The following GPC5 variants were observed in gnomAD, a reference collection of about 807,000 sequenced individuals.
GPC5 encodes glypican-5.
In GPC5, 47 loss-of-function variants were observed where a neutral mutation model predicts 53.9. That is an observed-to-expected ratio of 0.87 (90% CI 0.69 to 1.11). The LOEUF (loss-of-function observed/expected upper bound fraction) is 1.11, where lower values mean the gene tolerates loss of function less well. Among genes scored for constraint, GPC5 ranks in the 50% most tolerant of loss-of-function variants. GPC5 has a pLI of 0.00. For synonymous variants in GPC5, 286 were observed against 263.3 expected (o/e 1.09, Z -0.84); for missense variants, 748 against 713.1 (o/e 1.05, Z -0.56).
chr13:91,425,424 T>C (rs902673743), intron 1 of GPC5, among the ~76,000 whole-genome samples: 8 of 152,096 alleles, frequency 5.3e-5, no homozygotes, highest in Non-Finnish European at 1.0e-4. Context: ...TGGTGGGAAG[T>C]GATTGGATCA....
intron 7 of GPC5, among the ~76,000 whole-genome samples, chr13:92,284,794 G>C (rs545949124): frequency 1.8e-4 from 28 of 152,256 alleles, no homozygotes; most frequent in African/African-American, 6.7e-4. Context: ...CATACTGAAT[G>C]GGCAAAAACT....
intron 7 of GPC5, among the ~76,000 whole-genome samples, chr13:92,362,866 T>C (rs1422951755): frequency 4.6e-5 from 7 of 151,824 alleles, no homozygotes; most frequent in Non-Finnish European, 7.3e-5. Flanking sequence ...TTATTTAACA[T>C]ATGGCTTGTG....
chr13:92,067,404 T>A (rs2041176083), intron 6 of GPC5, among the ~76,000 whole-genome samples: 1 of 152,018 alleles, frequency 6.6e-6, no homozygotes, highest in East Asian at 1.9e-4. Context: ...GCGTGCAACA[T>A]CCCTTGTGTA....
intron 2 of GPC5, among the ~76,000 whole-genome samples, chr13:91,496,288 A>G (rs918570765): frequency 1.3e-5 from 2 of 152,190 alleles, no homozygotes; most frequent in African/African-American, 4.8e-5. Context: ...TATATTCACA[A>G]AAGAAGATAA....
intron 7 of GPC5, among the ~76,000 whole-genome samples, chr13:92,450,679 C>T (rs759993263): frequency 6.6e-6 from 1 of 152,192 alleles, no homozygotes; most frequent in Non-Finnish European, 1.5e-5. Flanking sequence ...TAACACTGAA[C>T]ACTTGAGGAC....
At chr13:91,704,750 A>G (rs761830263) in intron 3 of GPC5, among the ~76,000 whole-genome samples, 3 of 152,366 alleles carry the variant, frequency 2.0e-5, no homozygotes, top group Non-Finnish European at 4.4e-5. Context: ...AGTAAGGACT[A>G]AGCTCTGTAG....
chr13:92,049,042 T>C (rs928610305), intron 6 of GPC5, among the ~76,000 whole-genome samples: 3 of 152,102 alleles, frequency 2.0e-5, no homozygotes, highest in African/African-American at 7.2e-5. Flanking sequence ...GCCATATGGA[T>C]TTTAAGTAAA....
At chr13:92,018,714 G>A (rs1283810826) in intron 6 of GPC5, among the ~76,000 whole-genome samples, 1 of 151,908 alleles carries the variant, frequency 6.6e-6, no homozygotes, top group African/African-American at 2.4e-5. Flanking sequence ...ATTTTTAATA[G>A]GTCCTTTTTT....
chr13:92,865,534 G>T (rs1879310135), intron 7 of GPC5, among the ~76,000 whole-genome samples: 1 of 152,010 alleles, frequency 6.6e-6, no homozygotes, highest in Non-Finnish European at 1.5e-5. Flanking sequence ...GTGGTTGGAG[G>T]GTACAAAGTT....
At chr13:91,964,065 G>T (rs1311144920) in intron 6 of GPC5, among the ~76,000 whole-genome samples, 5 of 152,122 alleles carry the variant, frequency 3.3e-5, no homozygotes, top group African/African-American at 1.2e-4. Context: ...CGGTGTTACA[G>T]TTCTTAAAGA....
At position 91,937,644 on chromosome 13, in the gene GPC5, A is replaced by C. The variant is rs143479306; in HGVS notation, c.1401+29587A>C. On this transcript the variant is annotated intron_variant, in intron 6 of 7. Transcript: ENST00000377067. ...TTGGGCTTGTTTTGAAAGATACATT[A>C]GGAGAGAGAAAATGGATTTCCAAGA... 4.6e-3 allele frequency among the ~76,000 whole-genome samples: 707 copies of C among 152,266 alleles called. 12 individuals carry two copies. The highest frequency in any genetic ancestry group is 0.016 in the African/African-American group (679 of 41,570).
chr13:92,665,904 G>A (rs1886550860), intron 7 of GPC5, among the ~76,000 whole-genome samples: 1 of 152,082 alleles, frequency 6.6e-6, no homozygotes, highest in Non-Finnish European at 1.5e-5. Context: ...TGAAATATTA[G>A]CACATATTAT....
chr13:92,839,284 T>C (rs1429466461), intron 7 of GPC5, among the ~76,000 whole-genome samples: 4 of 152,230 alleles, frequency 2.6e-5, no homozygotes, highest in African/African-American at 4.8e-5. Context: ...AGTTATCCAA[T>C]GTTTGACTGT....
chr13:92,064,531 G>T (rs1164754491), intron 6 of GPC5, among the ~76,000 whole-genome samples: 1 of 152,106 alleles, frequency 6.6e-6, no homozygotes, highest in Non-Finnish European at 1.5e-5. Context: ...GCCCAAGCGG[G>T]TGGATCACAA....
intron 7 of GPC5, among the ~76,000 whole-genome samples, chr13:92,457,030 TC>T (rs945888874): frequency 4.6e-5 from 7 of 151,958 alleles, no homozygotes; most frequent in African/African-American, 1.7e-4. Context: ...GTCCTCTGTG[TC>T]TGTTGTTCCC....
At chr13:92,515,759 G>GT (rs1555339680) in intron 7 of GPC5, among the ~76,000 whole-genome samples, 1 of 152,050 alleles carries the variant, frequency 6.6e-6, no homozygotes, top group Non-Finnish European at 1.5e-5. Context: ...ACAATTATTG[G>GT]TTTTTTGTGT....
chr13:91,479,070 G>A (rs539747797), intron 2 of GPC5, among the ~76,000 whole-genome samples: 1 of 150,716 alleles, frequency 6.6e-6, no homozygotes, highest in Non-Finnish European at 1.5e-5. Flanking sequence ...CTGCCACCAC[G>A]CCTGGCTAAT....
At chr13:91,945,001 C>A (rs114466379) in intron 6 of GPC5, among the ~76,000 whole-genome samples, 3,719 of 152,238 alleles carry the variant, frequency 0.024, 147 homozygotes, top group African/African-American at 0.085. Context: ...ATTTCTTAAT[C>A]TTTAAAGTCT....
intron 6 of GPC5, among the ~76,000 whole-genome samples, chr13:92,106,845 C>T (rs2041514180): frequency 6.6e-6 from 1 of 152,000 alleles, no homozygotes; most frequent in South Asian, 2.1e-4. Context: ...TATTGAATGC[C>T]TGCATAAAAA....
Sources: allele counts gnomAD v4.1 joint callset (sites outside exome capture counted in the v4.1 genomes callset), GRCh38; gene constraint gnomAD v4.1.1; transcripts MANE v1.5; gene names NCBI Gene and HGNC (gene_info 2026-07-23, HGNC 2026-07-21).